The following WSCD2 variants were observed in gnomAD, a reference collection of about 807,000 sequenced individuals.
The protein encoded by WSCD2 is WSC domain sialate O sulfotransferase 2.
In WSCD2, 28 loss-of-function variants were observed where a neutral mutation model predicts 55.7. The observed-to-expected ratio is 0.50, with a 90% CI of 0.37 to 0.69. The LOEUF (loss-of-function observed/expected upper bound fraction) is 0.69. Ranked by LOEUF, WSCD2 falls within the 30% of genes least tolerant of loss-of-function variation. WSCD2 has a pLI of 0.00. For missense variants in WSCD2, 616 were observed against 762.1 expected (o/e 0.81, Z 2.26); for synonymous variants, 301 against 301.9 (o/e 1.00, Z 0.03).
intron 2 of WSCD2, among the ~76,000 whole-genome samples, chr12:108,200,187 A>G (rs527565240): frequency 3.3e-5 from 5 of 152,170 alleles, no homozygotes; most frequent in African/African-American, 4.8e-5. Context: ...CCCACTTCCC[A>G]TCTCCTCCAG....
intron 8 of WSCD2, among the ~76,000 whole-genome samples, chr12:108,246,069 G>A (rs561913680): frequency 1.7e-3 from 252 of 152,350 alleles, no homozygotes; most frequent in African/African-American, 5.8e-3. Context: ...AGGAAGTGGT[G>A]ATGAGGCTGC....
rs138521103 is a variant in WSCD2, at chr12:108,174,875, G to A, written c.-551-20407G>A. Among the ~76,000 whole-genome samples, 940 of 152,216 alleles carry A rather than the reference G, an allele frequency of 6.2e-3. 6 individuals carry two copies. The highest frequency in any genetic ancestry group is 0.021 in the African/African-American group (887 of 41,540). ...GGGCTTCAAGCGATCCTCCTGCTTCGGCCTCCCAAAAGGCTAGGATTATAG... is the reference window on the plus strand; with the variant it reads ...GGGCTTCAAGCGATCCTCCTGCTTCAGCCTCCCAAAAGGCTAGGATTATAG... On this transcript the variant is annotated intron_variant, in intron 1 of 8. Transcript: ENST00000547525.
intron 1 of WSCD2, among the ~76,000 whole-genome samples, chr12:108,192,301 G>A (rs1213050507): frequency 1.3e-5 from 2 of 152,184 alleles, no homozygotes; most frequent in African/African-American, 4.8e-5. Flanking sequence ...CTTTACAGGT[G>A]AGGAACCTGA....
At chr12:108,207,206 C>G (rs1885503167) in intron 3 of WSCD2, among the ~76,000 whole-genome samples, 1 of 152,014 alleles carries the variant, frequency 6.6e-6, no homozygotes. Context: ...TTCTTGGGCC[C>G]CTTGACCTTG....
intron 1 of WSCD2, among the ~76,000 whole-genome samples, chr12:108,157,217 CAG>C (rs1346432711): frequency 6.6e-6 from 1 of 152,220 alleles, no homozygotes; most frequent in African/African-American, 2.4e-5. Context: ...TAGCAAAGTA[CAG>C]AGAGTTCCTC....
chr12:108,208,677 G>C lies in WSCD2; in HGVS notation c.498-1444G>C, dbSNP rs77296985. Among the ~76,000 whole-genome samples, 866 of 152,274 alleles carry C rather than the reference G, an allele frequency of 5.7e-3. 5 individuals are homozygous for C. The highest frequency in any genetic ancestry group is 0.02 in the African/African-American group (832 of 41,560). ...GAGTATCAGGAGGGGAAGCCACAGAGGTGTTCAAAGCCCAGTGAAATGGGG... is the reference window on the plus strand; with the variant it reads ...GAGTATCAGGAGGGGAAGCCACAGACGTGTTCAAAGCCCAGTGAAATGGGG... On this transcript the variant is annotated intron_variant, in intron 3 of 8. Coordinates refer to ENST00000547525, the MANE Select transcript of WSCD2 (RefSeq NM_014653.4).
intron 6 of WSCD2, among the ~76,000 whole-genome samples, chr12:108,227,739 A>ATGG (rs1239398473): frequency 3.3e-5 from 5 of 151,694 alleles, no homozygotes; most frequent in African/African-American, 1.2e-4. Flanking sequence ...GATGATGATG[A>ATGG]TGATGATGAT....
At chr12:108,180,448 G>A (rs1881570684) in intron 1 of WSCD2, among the ~76,000 whole-genome samples, 1 of 152,254 alleles carries the variant, frequency 6.6e-6, no homozygotes, top group South Asian at 2.1e-4. Flanking sequence ...CCTTGGCTCA[G>A]GCCAGGCCCG....
chr12:108,203,162 C>G (rs1884924119), intron 2 of WSCD2, among the ~76,000 whole-genome samples: 3 of 152,220 alleles, frequency 2.0e-5, no homozygotes. Flanking sequence ...CTCCCCCTAC[C>G]CTGGTGCCAA....
chr12:108,166,724 T>TTCTC (rs774245792), intron 1 of WSCD2, among the ~76,000 whole-genome samples: 1 of 119,156 alleles, frequency 8.4e-6, no homozygotes, highest in African/African-American at 3.0e-5. Context: ...CCCTCCTTCT[T>TTCTC]TCTCTTTCTT....
chr12:108,196,370 C>G, intron 2 of WSCD2, 156 bp downstream of exon 2: 1 of 1,204,574 alleles, frequency 8.3e-7, no homozygotes, highest in Non-Finnish European at 1.1e-6. Flanking sequence ...CCCCATTGCA[C>G]AGAGGAGAAA....
Position 108,204,889 on chromosome 12 carries a change from A to G in WSCD2, c.383-1400A>G, listed in dbSNP as rs1302350960. ...AAGCAAGGAAAGAAGCTCAGTTTAA[A>G]CCAGACAGCTGCCTAGCCAAAGAAG... On this transcript the variant is annotated intron_variant, in intron 2 of 8. Coordinates refer to ENST00000547525, the MANE Select transcript of WSCD2 (RefSeq NM_014653.4). 1.3e-5 allele frequency among the ~76,000 whole-genome samples: 2 copies of G among 152,212 alleles called. 1 individual carries two copies. Among genetic ancestry groups the G allele is most frequent in the Admixed American group, 1.3e-4 (2 of 15,280 alleles).
chr12:108,170,951 A>G (rs1270889703), intron 1 of WSCD2, among the ~76,000 whole-genome samples: 2 of 152,184 alleles, frequency 1.3e-5, no homozygotes, highest in Non-Finnish European at 2.9e-5. Flanking sequence ...CTGGGCTCAA[A>G]GGTCCACATG....
intron 7 of WSCD2, among the ~76,000 whole-genome samples, chr12:108,235,037 GAGA>G (rs1283870902): frequency 2.0e-5 from 3 of 152,126 alleles, no homozygotes; most frequent in African/African-American, 7.2e-5. Context: ...CCTAACTTCA[GAGA>G]AGAAGAAATG....
intron 2 of WSCD2, among the ~76,000 whole-genome samples, chr12:108,205,954 A>G (rs1306621194): frequency 6.6e-6 from 1 of 152,228 alleles, no homozygotes; most frequent in Non-Finnish European, 1.5e-5. Context: ...TAAGCCTTTT[A>G]GAGCTGTCTT....
chr12:108,191,871 A>G (rs1033311129), intron 1 of WSCD2, among the ~76,000 whole-genome samples: 3 of 152,098 alleles, frequency 2.0e-5, no homozygotes, highest in Admixed American at 1.3e-4. Flanking sequence ...CACGGTCCAC[A>G]TCCCTCCGGC....
intron 1 of WSCD2, among the ~76,000 whole-genome samples, chr12:108,145,113 C>T (rs1877249262): frequency 6.6e-6 from 1 of 152,188 alleles, no homozygotes; most frequent in South Asian, 2.1e-4. Flanking sequence ...CTCTCTGGGC[C>T]TTTGTTTCCC....
intron 1 of WSCD2, among the ~76,000 whole-genome samples, chr12:108,139,644 A>C (rs1293331372): frequency 6.6e-6 from 1 of 152,180 alleles, no homozygotes; most frequent in African/African-American, 2.4e-5. Context: ...AAATGGGGAT[A>C]ATAATAATGC....
chr12:108,224,656 T>G, intron 4 of WSCD2, 83 bp from the exon 5 acceptor site: 83 of 1,532,672 alleles, frequency 5.4e-5, no homozygotes, highest in Non-Finnish European at 6.7e-5. Flanking sequence ...TTGCCTTCTC[T>G]GAGCTTTCTT....
Sources: allele counts gnomAD v4.1 joint callset (sites outside exome capture counted in the v4.1 genomes callset), GRCh38; gene constraint gnomAD v4.1.1; transcripts MANE v1.5; gene names NCBI Gene and HGNC (gene_info 2026-07-23, HGNC 2026-07-21).